The following TICAM1 variants were observed in gnomAD, a reference collection of about 807,000 sequenced individuals.
TICAM1 encodes TIR domain containing adaptor molecule 1.
For missense variants in TICAM1, 895 were observed against 938.2 expected (o/e 0.95, Z 0.60); for synonymous variants, 439 against 415.4 (o/e 1.06, Z -0.69).
At chr19:4,831,061 T>C (rs2093612958) in intron 1 of TICAM1, among the ~76,000 whole-genome samples, 1 of 149,808 alleles carries the variant, frequency 6.7e-6, no homozygotes, top group African/African-American at 2.5e-5. Context: ...AGGGAGGAAT[T>C]TGGGGTGTCT....
At chr19:4,823,844 G>A (rs1049834141) in intron 1 of TICAM1, among the ~76,000 whole-genome samples, 1 of 152,048 alleles carries the variant, frequency 6.6e-6, no homozygotes, top group African/African-American at 2.4e-5. Context: ...CATCCGGGCT[G>A]GGGCACTTTA....
chr19:4,828,450 C>T (rs146148221), intron 1 of TICAM1, among the ~76,000 whole-genome samples: 16 of 151,670 alleles, frequency 1.1e-4, no homozygotes, highest in Middle Eastern at 6.8e-3. Flanking sequence ...TGGGCCCAAG[C>T]GATCCTCCCA....
At chr19:4,826,545 G>A (rs1409549472) in intron 1 of TICAM1, among the ~76,000 whole-genome samples, 1 of 152,002 alleles carries the variant, frequency 6.6e-6, no homozygotes, top group Non-Finnish European at 1.5e-5. Flanking sequence ...GGCTGGTCTC[G>A]AACTCCTGAC....
At chr19:4,827,739 CAG>C (rs899534157) in intron 1 of TICAM1, among the ~76,000 whole-genome samples, 18 of 137,540 alleles carry the variant, frequency 1.3e-4, no homozygotes, top group African/African-American at 4.6e-4. Context: ...GCCTGGGTGA[CAG>C]AGTGAGACTC....
At position 4,816,864 on chromosome 19, in the gene TICAM1, C is replaced by G; in HGVS notation, c.1514G>C (p.Ser505Thr). The change falls in exon 2 of 2, where the codon AGC becomes ACC. Residue 505 changes from serine (S) to threonine (T), a missense_variant. By Grantham distance (58) the Ser-to-Thr change is moderately conservative. Coordinates refer to ENST00000248244, the MANE Select transcript of TICAM1 (RefSeq NM_182919.4). The surrounding 1 kb of genome is among the most constrained non-coding windows in gnomAD (Gnocchi z 4.3). The part of the protein sequence containing the change: ...SPAQLSSDTA[S>T]LLSGLVRLDE... The stretch of plus-strand genomic sequence containing the variant: ...CAGCCGCACCAGCCCGGAGAGCAGG[C>G]TGGCCGTGTCGGAGCTGAGCTGGGC... The G allele has an allele frequency of 6.2e-7, 1 of 1,612,690 alleles. No homozygotes were observed. Among genetic ancestry groups the G allele is most frequent in the Non-Finnish European group, 8.5e-7 (1 of 1,180,022 alleles).
chr19:4,825,554 G>A (rs2093604261), intron 1 of TICAM1, among the ~76,000 whole-genome samples: 2 of 151,996 alleles, frequency 1.3e-5, no homozygotes, highest in Admixed American at 1.3e-4. Flanking sequence ...AAGGCAGGGT[G>A]CAGTGGCTCA....
chr19:4,830,728 T>C (rs766611859), intron 1 of TICAM1, among the ~76,000 whole-genome samples: 1 of 152,190 alleles, frequency 6.6e-6, no homozygotes, highest in South Asian at 2.1e-4. Flanking sequence ...CCGGGGGCTG[T>C]GTGGCTCTGA....
intron 1 of TICAM1, among the ~76,000 whole-genome samples, chr19:4,829,476 CA>C (rs1348339968): frequency 6.7e-6 from 1 of 149,398 alleles, no homozygotes; most frequent in African/African-American, 2.5e-5. Context: ...ATGGCTGGGA[CA>C]AAGTCCACTC....
chr19:4,816,230 G>T lies in TICAM1; in HGVS notation c.*9C>A. 1 of 1,504,040 alleles carries T rather than the reference G, an allele frequency of 6.6e-7. No homozygotes were observed. 93.2% of individuals were successfully genotyped at this position (1,504,040 alleles called of 1,614,324 possible). A position where few individuals can be genotyped will look rare whatever the true frequency, so the allele number is the denominator to read the frequency against. On this transcript the variant is annotated 3_prime_UTR_variant, in exon 2 of 2. Transcript: ENST00000248244. This position sits in a 1 kb window ranked among gnomAD's most constrained non-coding sequence, Gnocchi z 4.3. ...GGTGTTCCCCAGGTGGTCAGGCAAG[G>T]ACACGCGGTCATTCTGCCTCCTGCG... is the stretch of plus-strand genomic sequence containing the variant.
At position 4,819,732 on chromosome 19, in the gene TICAM1, G is replaced by A. The variant is rs140484931; in HGVS notation, c.-139-1216C>T. Among the ~76,000 whole-genome samples, 1,324 of 152,142 alleles carry A rather than the reference G, an allele frequency of 8.7e-3. 16 individuals are homozygous for A. Among genetic ancestry groups the A allele is most frequent in the African/African-American group, 0.029 (1,200 of 41,526 alleles). On this transcript the variant is annotated intron_variant, in intron 1 of 1. Transcript: ENST00000248244. ...TACTAAAAATACAAAAAAATTAGCC[G>A]GGTGTGGTGGTCCGCGCCTGTAGTC... is the stretch of plus-strand genomic sequence containing the variant.
At chr19:4,828,827 C>T (rs529770104) in intron 1 of TICAM1, among the ~76,000 whole-genome samples, 3 of 151,932 alleles carry the variant, frequency 2.0e-5, no homozygotes, top group South Asian at 4.2e-4. Context: ...CTCACCCTCC[C>T]GAGTAGCTGG....
In TICAM1 at chr19:4,816,404, C is replaced by A. The variant is rs775404991; in HGVS notation, c.1974G>T (p.Pro658=). The change falls in exon 2 of 2, where the codon CCG becomes CCT. Residue 658 remains proline, a synonymous_variant. Coordinates refer to ENST00000248244, the MANE Select transcript of TICAM1 (RefSeq NM_182919.4). The surrounding 1 kb of genome is among the most constrained non-coding windows in gnomAD (Gnocchi z 4.3). ...PAAFPQSLPF[P]QSPAFPTASP... Reference sequence around the variant, plus strand: ...AGGCCGTAGGGAAGGCTGGGGACTGCGGGAAGGGCAGTGACTGTGGAAAGG... The same window carrying A: ...AGGCCGTAGGGAAGGCTGGGGACTGAGGGAAGGGCAGTGACTGTGGAAAGG... 5.8e-6 allele frequency: 9 copies of A among 1,552,572 alleles called. No homozygotes were observed. The East Asian group carries it at 1.1e-4, about 20-fold the overall frequency.
At chr19:4,819,868 C>T (rs1222999942) in intron 1 of TICAM1, among the ~76,000 whole-genome samples, 8 of 145,998 alleles carry the variant, frequency 5.5e-5, no homozygotes, top group African/African-American at 2.0e-4. Context: ...AGAGCGAAAC[C>T]CCGTCTCAAT....
Position 4,817,301 on chromosome 19 carries a change from G to C in TICAM1, c.1077C>G (p.Ser359=), listed in dbSNP as rs1201554872. ...AAGGAGGAGGAGGAGGAGGAGGAGG[G>C]GATGTTTCTGGGGTGGTGGGAGTAG... is the stretch of plus-strand genomic sequence containing the variant. ...CPPTPTTPET[S]PPPPPPPPSS... Residue 359 remains serine, a synonymous_variant, in exon 2 of 2, where the codon TCC becomes TCG. Transcript: ENST00000248244. The surrounding 1 kb of genome is among the most constrained non-coding windows in gnomAD (Gnocchi z 4.7). 6.3e-7 allele frequency: 1 copy of C among 1,588,178 alleles called. No homozygotes were observed. The highest frequency in any genetic ancestry group is 8.6e-7 in the Non-Finnish European group (1 of 1,163,392).
At chr19:4,828,864 A>G (rs1011680970) in intron 1 of TICAM1, among the ~76,000 whole-genome samples, 4 of 151,914 alleles carry the variant, frequency 2.6e-5, no homozygotes, top group Admixed American at 2.0e-4. Flanking sequence ...CACCATGCCC[A>G]GGTAATTTTT....
rs199683447 is a variant in TICAM1, at chr19:4,818,032, C to T, written c.346G>A (p.Val116Met). The change falls in exon 2 of 2, where the codon GTG (valine) becomes ATG (methionine). Residue 116 changes from valine to methionine, a missense_variant. Coordinates refer to ENST00000248244, the MANE Select transcript of TICAM1 (RefSeq NM_182919.4). The surrounding 1 kb of genome is among the most constrained non-coding windows in gnomAD (Gnocchi z 4.0). Reference sequence around the variant, plus strand: ...GTGCGGACGGCTTCCTGGTAGGCCACGTCCCGCAGCGAGGCGGGGCACAGC... The same window carrying T: ...GTGCGGACGGCTTCCTGGTAGGCCATGTCCCGCAGCGAGGCGGGGCACAGC... ...EKLCPASLRDVAYQEAVRTLS... is the reference protein window; with the variant it reads ...EKLCPASLRDMAYQEAVRTLS... 208 of 1,609,732 alleles carry T rather than the reference C, an allele frequency of 1.3e-4. No homozygotes were observed. In the South Asian group the frequency reaches 1.3e-3, roughly 10 times the overall value.
Position 4,818,657 on chromosome 19 carries a change from A to G in TICAM1, c.-139-141T>C. On this transcript the variant is annotated intron_variant, in intron 1 of 1. Transcript: ENST00000248244. The surrounding 1 kb of genome is among the most constrained non-coding windows in gnomAD (Gnocchi z 4.0). Reference sequence around the variant, plus strand: ...CTTCGGCAACACGTCGCCTCCTTCAACTTCCATTTCTTCCTCTGCAAAATG... The same window carrying G: ...CTTCGGCAACACGTCGCCTCCTTCAGCTTCCATTTCTTCCTCTGCAAAATG... 1 of 406,978 alleles carries G rather than the reference A, an allele frequency of 2.5e-6. No homozygotes were observed. The highest frequency in any genetic ancestry group is 4.3e-6 in the Non-Finnish European group (1 of 233,066). The allele number at this position is 406,978 out of a possible 1,614,324, so 25.2% of individuals were successfully genotyped here. A position where few individuals can be genotyped will look rare whatever the true frequency, so the allele number is the denominator to read the frequency against.
At chr19:4,826,576 C>T (rs779461877) in intron 1 of TICAM1, among the ~76,000 whole-genome samples, 6 of 152,240 alleles carry the variant, frequency 3.9e-5, no homozygotes, top group East Asian at 1.9e-4. Flanking sequence ...CTGCCAGCCT[C>T]GGCCTCCCAA....
rs144153262 is a variant in TICAM1 at position 4,820,248 on chromosome 19, G to A, written c.-139-1732C>T. ...AGCCTGGCCAATATGGTGAAACCCC[G>A]TCTCTACTAAAAATACAAAAAATTA... On this transcript the variant is annotated intron_variant, in intron 1 of 1. Coordinates refer to ENST00000248244, the MANE Select transcript of TICAM1 (RefSeq NM_182919.4). Among the ~76,000 whole-genome samples, 231 of 151,522 alleles carry A rather than the reference G, an allele frequency of 1.5e-3. 2 individuals are homozygous for A. Among genetic ancestry groups the A allele is most frequent in the African/African-American group, 5.1e-3 (210 of 41,286 alleles).
Sources: gnomAD v4.1 joint callset for allele counts (sites outside exome capture counted in the v4.1 genomes callset) on GRCh38, gnomAD v4.1.1 for gene constraint, Gnocchi (gnomAD v3.1) non-coding constraint, MANE v1.5 for transcripts, NCBI Gene and HGNC (gene_info 2026-07-23, HGNC 2026-07-21) for gene names.